Variants in MIGA2 observed in about 807,000 individuals in gnomAD.
The protein encoded by MIGA2 is family with sequence similarity 73, member B.
MIGA2 carries 36 observed loss-of-function variants against 69.9 expected under a neutral mutation model. That is an observed-to-expected ratio of 0.52 (90% CI 0.39 to 0.68). The LOEUF (loss-of-function observed/expected upper bound fraction) is 0.68, where lower values mean the gene tolerates loss of function less well. Ranked by LOEUF, MIGA2 falls within the 30% of genes least tolerant of loss-of-function variation. MIGA2 has a pLI of 0.00. For synonymous variants in MIGA2, 333 were observed against 349.2 expected (o/e 0.95, Z 0.52); for missense variants, 660 against 787.7 (o/e 0.84, Z 1.94).
rs1845353685 is a variant in MIGA2, at chr9:129,048,512, C to T, written c.393C>T (p.His131=). Residue 131 remains histidine, a synonymous_variant, in exon 4 of 16, where the codon CAC becomes CAT. Transcript: ENST00000684074. Reference sequence around the variant, plus strand: ...TCTCTTCCATTGAGCCCAGCAAGCACTCGGGCTCCTCCCACAGTGTGGCCT... The same window carrying T: ...TCTCTTCCATTGAGCCCAGCAAGCATTCGGGCTCCTCCCACAGTGTGGCCT... The part of the protein sequence containing the change: ...SGISSIEPSK[H]SGSSHSVASM... 2 of 1,613,920 alleles carry T rather than the reference C, an allele frequency of 1.2e-6. No homozygotes were observed. Among genetic ancestry groups the T allele is most frequent in the Non-Finnish European group, 8.5e-7 (1 of 1,179,922 alleles).
In MIGA2 at chr9:129,068,879, AGAGTC is replaced by A; in HGVS notation, c.1405-196_1405-192del. 3 of 661,930 alleles carry A rather than the reference AGAGTC, an allele frequency of 4.5e-6. No homozygotes were observed. The highest frequency in any genetic ancestry group is 8.1e-6 in the Non-Finnish European group (3 of 368,384). 41.0% of individuals were successfully genotyped at this position (661,930 alleles called of 1,614,324 possible). On this transcript the variant is annotated intron_variant, in intron 13 of 15. Transcript: ENST00000684074. This position sits in a 1 kb window ranked among gnomAD's most constrained non-coding sequence, Gnocchi z 4.1. Reference sequence around the variant, plus strand: ...TCAGAGAAGATCCAGCAGTAAGATTAGAGTCAAGATTCAAGTTTAGGTATGTCTGA... The same window carrying A: ...TCAGAGAAGATCCAGCAGTAAGATTAAAGATTCAAGTTTAGGTATGTCTGA...
rs939268306 is a variant in MIGA2 at position 129,071,729 on chromosome 9, C to G, written c.*1276C>G. ...GTGGGCCCCTTCCCAGACACCGGAT[C>G]CATGGGCACTAACCCGCCTCCCAGG... On this transcript the variant is annotated 3_prime_UTR_variant, in exon 16 of 16. Coordinates refer to ENST00000684074, the MANE Select transcript of MIGA2 (RefSeq NM_001329990.2). 14 of 152,282 alleles carry G rather than the reference C, an allele frequency of 9.2e-5. No homozygotes were observed. The highest frequency in any genetic ancestry group is 3.4e-4 in the African/African-American group (14 of 41,420). 9.4% of individuals were successfully genotyped at this position (152,282 alleles called of 1,614,324 possible).
intron 3 of MIGA2, among the ~76,000 whole-genome samples, chr9:129,043,397 T>C (rs929667336): frequency 6.7e-5 from 10 of 149,330 alleles, no homozygotes; most frequent in African/African-American, 2.5e-4. Context: ...TTTTTTTTTT[T>C]TTTTTTTGAG....
chr9:129,062,002 AT>A (rs1846090182), intron 9 of MIGA2, among the ~76,000 whole-genome samples: 1 of 139,842 alleles, frequency 7.2e-6, no homozygotes, highest in Non-Finnish European at 1.6e-5. Flanking sequence ...TGTATTATGT[AT>A]TATTATCTTA....
intron 6 of MIGA2, among the ~76,000 whole-genome samples, chr9:129,054,451 C>T (rs1845697079): frequency 6.6e-6 from 1 of 152,182 alleles, no homozygotes; most frequent in Non-Finnish European, 1.5e-5. Context: ...GAGTGAGACC[C>T]TGTCTCAACA....
intron 11 of MIGA2, chr9:129,067,451 C>T: frequency 6.2e-6 from 2 of 324,368 alleles, no homozygotes; most frequent in Non-Finnish European, 1.2e-5. Flanking sequence ...GGTCCAAGGT[C>T]ACGGAGATTT....
intron 6 of MIGA2, among the ~76,000 whole-genome samples, chr9:129,055,450 T>A (rs1017989428): frequency 6.6e-6 from 1 of 152,166 alleles, no homozygotes; most frequent in Admixed American, 6.6e-5. Context: ...TTGTGACGTA[T>A]CTTTTTCATA....
chr9:129,063,030 G>A (rs371484554), intron 9 of MIGA2: 1 of 594,542 alleles, frequency 1.7e-6, no homozygotes, highest in Non-Finnish European at 3.0e-6. Context: ...AGGCTGACAC[G>A]TCCTCAGAGA....
chr9:129,070,507 G>A lies in MIGA2; in HGVS notation c.*54G>A. 6.9e-7 allele frequency: 1 copy of A among 1,458,000 alleles called. No individual in the cohort carries two copies. Among genetic ancestry groups the A allele is most frequent in the Non-Finnish European group, 9.1e-7 (1 of 1,103,072 alleles). The allele number at this position is 1,458,000 out of a possible 1,614,324, so 90.3% of individuals were successfully genotyped here. On this transcript the variant is annotated 3_prime_UTR_variant, in exon 16 of 16. Coordinates refer to ENST00000684074, the MANE Select transcript of MIGA2 (RefSeq NM_001329990.2). The stretch of plus-strand genomic sequence containing the variant: ...AGAAGGCTCCTCCTCCCTTCCCTGG[G>A]TTGGTATCTGACAGCTGTGGTGGCT...
chr9:129,064,506 C>CT (rs71383628), intron 11 of MIGA2, among the ~76,000 whole-genome samples: 394 of 140,580 alleles, frequency 2.8e-3, no homozygotes, highest in Middle Eastern at 3.5e-3. Context: ...CGTGCCTGGC[C>CT]TTTTTTTTTT....
chr9:129,059,010 A>G lies in MIGA2; in HGVS notation c.676-144A>G, dbSNP rs1027581343. 12 of 656,034 alleles carry G rather than the reference A, an allele frequency of 1.8e-5. No homozygotes were observed. Among genetic ancestry groups the G allele is most frequent in the East Asian group, 2.8e-5 (1 of 36,326 alleles). 40.6% of individuals were successfully genotyped at this position (656,034 alleles called of 1,614,324 possible). A position where few individuals can be genotyped will look rare whatever the true frequency, so the allele number is the denominator to read the frequency against. ...GAAGTGGCTGGTGGCTCCTCTATCG[A>G]GCAGTGAAGTTTTGGAGTTTATGTG... On this transcript the variant is annotated intron_variant, in intron 6 of 15. Coordinates refer to ENST00000684074, the MANE Select transcript of MIGA2 (RefSeq NM_001329990.2). This position sits in a 1 kb window ranked among gnomAD's most constrained non-coding sequence, Gnocchi z 5.6.
At chr9:129,049,612 C>A in intron 5 of MIGA2, 114 bp downstream of exon 5, 1 of 1,255,852 alleles carries the variant, frequency 8.0e-7, no homozygotes, top group Non-Finnish European at 1.1e-6. Flanking sequence ...TGCCCCAAAT[C>A]CCAACTGGGT....
At chr9:129,063,391 A>G (rs993181260) in intron 10 of MIGA2, 75 bp downstream of exon 10, 3 of 1,578,048 alleles carry the variant, frequency 1.9e-6, no homozygotes, top group East Asian at 4.5e-5. Flanking sequence ...TGTGGCATGT[A>G]TGTGGCCTCC....
rs1370138288 is a variant in MIGA2, at chr9:129,068,274, C to T, written c.1346C>T (p.Pro449Leu). The change falls in exon 13 of 16, where the codon CCG becomes CTG. Residue 449 changes from proline to leucine, a missense_variant. By Grantham distance (98) the Pro-to-Leu change is moderately conservative. Around this residue, in one of 3 missense-constraint regions of MIGA2, gnomAD observed 220 missense variants for 301.7 expected, o/e 0.73. Transcript: ENST00000684074. The surrounding 1 kb of genome is among the most constrained non-coding windows in gnomAD (Gnocchi z 4.1). Reference protein sequence around the residue: ...MDAFEDLENPPASVLAVLRNR... With the variant: ...MDAFEDLENPLASVLAVLRNR... ...GCCTTCGAGGACCTGGAGAACCCTC[C>T]GGCCTCGGTGCTCGCCGTCCTGCGG... 14 of 1,612,828 alleles carry T rather than the reference C, an allele frequency of 8.7e-6. No individual in the cohort carries two copies. Among genetic ancestry groups the T allele is most frequent in the Non-Finnish European group, 1.1e-5 (13 of 1,179,954 alleles).
At position 129,048,518 on chromosome 9, in the gene MIGA2, C is replaced by T; in HGVS notation, c.399C>T (p.Gly133=). 1 of 1,614,000 alleles carries T rather than the reference C, an allele frequency of 6.2e-7. No individual in the cohort carries two copies. The highest frequency in any genetic ancestry group is 8.5e-7 in the Non-Finnish European group (1 of 1,179,884). ...CCATTGAGCCCAGCAAGCACTCGGG[C>T]TCCTCCCACAGTGTGGCCTCGGTGA... ...ISSIEPSKHS[G]SSHSVASMMA... is the part of the protein sequence containing the mutation. Residue 133 remains glycine (G), a synonymous_variant, in exon 4 of 16, where the codon GGC becomes GGT. Coordinates refer to ENST00000684074, the MANE Select transcript of MIGA2 (RefSeq NM_001329990.2).
chr9:129,066,122 A>G (rs1003490355), intron 11 of MIGA2, among the ~76,000 whole-genome samples: 1 of 152,156 alleles, frequency 6.6e-6, no homozygotes, highest in African/African-American at 2.4e-5. Context: ...TTCGAGCCTC[A>G]CTGCAATTTC....
At position 129,041,609 on chromosome 9, in the gene MIGA2, A is replaced by T. The variant is rs1010459861; in HGVS notation, c.97-695A>T. On this transcript the variant is annotated intron_variant, in intron 2 of 15. Transcript: ENST00000684074. ...CTTGGCCTCCTAAAGTGCTGGGTTT[A>T]TAGGCATGAGCCACTGCACCTGGTC... Among the ~76,000 whole-genome samples, 184 of 152,316 alleles carry T rather than the reference A, an allele frequency of 1.2e-3. 1 individual carries two copies. The highest frequency in any genetic ancestry group is 3.8e-3 in the African/African-American group (160 of 41,572).
intron 3 of MIGA2, among the ~76,000 whole-genome samples, chr9:129,045,441 CAAAAAAA>C (rs766649271): frequency 5.0e-3 from 100 of 20,054 alleles, no homozygotes; most frequent in Non-Finnish European, 9.1e-3. Flanking sequence ...GACTCTGTCT[CAAAAAAA>C]AAAAAAAAAA....
At chr9:129,050,084 T>TA in intron 6 of MIGA2, 121 bp downstream of exon 6, 5 of 1,308,684 alleles carry the variant, frequency 3.8e-6, no homozygotes, top group Non-Finnish European at 5.2e-6. Flanking sequence ...TTTCCCTCTA[T>TA]GAGGGTGTCT....
Sources: gnomAD v4.1 joint callset for allele counts (sites outside exome capture counted in the v4.1 genomes callset) on GRCh38, gnomAD v4.1.1 for gene constraint, gnomAD v4.1.1 regional missense constraint, Gnocchi (gnomAD v3.1) non-coding constraint, MANE v1.5 for transcripts, NCBI Gene and HGNC (gene_info 2026-07-23, HGNC 2026-07-21) for gene names.